The following CTNNA2 variants were observed in gnomAD, a reference collection of about 807,000 sequenced individuals.
The protein encoded by CTNNA2 is catenin alpha-2.
CTNNA2 carries 42 observed loss-of-function variants against 101.0 expected under a neutral mutation model. The ratio of observed to expected loss-of-function variants is 0.42; its 90% CI spans 0.32 to 0.54. The LOEUF (loss-of-function observed/expected upper bound fraction) is 0.54. Ranked by LOEUF, CTNNA2 falls within the 20% of genes least tolerant of loss-of-function variation. CTNNA2 has a pLI of 0.14. For missense variants in CTNNA2, 871 were observed against 1,223.1 expected, an observed-to-expected ratio of 0.71 and a Z score of 4.29; for synonymous variants, 450 against 456.4, an observed-to-expected ratio of 0.99 and a Z score of 0.18.
intron 7 of CTNNA2, among the ~76,000 whole-genome samples, chr2:80,155,684 A>G (rs17018719): frequency 0.017 from 2,627 of 152,206 alleles, 80 homozygotes; most frequent in African/African-American, 0.059. Flanking sequence ...CAACTGTGTG[A>G]CACCTTCCTC....
intron 7 of CTNNA2, among the ~76,000 whole-genome samples, chr2:80,341,382 T>G (rs1374159470): frequency 6.6e-6 from 1 of 152,174 alleles, no homozygotes; most frequent in East Asian, 1.9e-4. Context: ...CTCTAGAGCT[T>G]CCAAGCGTTT....
At chr2:79,806,274 A>G (rs1272452302) in intron 3 of CTNNA2, among the ~76,000 whole-genome samples, 2 of 152,142 alleles carry the variant, frequency 1.3e-5, no homozygotes, top group Non-Finnish European at 2.9e-5. Context: ...TTCTAAGAGT[A>G]CGTGAAGGGA....
chr2:80,492,436 T>C (rs1687138161), intron 9 of CTNNA2, among the ~76,000 whole-genome samples: 1 of 152,216 alleles, frequency 6.6e-6, no homozygotes, highest in Non-Finnish European at 1.5e-5. Context: ...GGACAGTCCA[T>C]AGTATTTTGA....
At position 79,723,753 on chromosome 2, in the gene CTNNA2, A is replaced by AC. The variant is rs146942556; in HGVS notation, c.103-20628dup. The stretch of plus-strand genomic sequence containing the variant: ...TATGTGAGTTCTAGCATTTCTCCCC[A>AC]CCCCCCGCTCTAATGGTTCGATTTT... On this transcript the variant is annotated intron_variant, in intron 2 of 18. Transcript: ENST00000402739. Among the ~76,000 whole-genome samples, 1,694 of 151,784 alleles carry AC rather than the reference A, an allele frequency of 0.011. 63 individuals carry two copies. The East Asian group carries it at 0.12, about 11-fold the overall frequency.
At chr2:80,156,202 G>T (rs1040260993) in intron 7 of CTNNA2, among the ~76,000 whole-genome samples, 2 of 152,092 alleles carry the variant, frequency 1.3e-5, no homozygotes, top group African/African-American at 2.4e-5. Flanking sequence ...AGAGACTTTG[G>T]CTAATCTTCC....
intron 7 of CTNNA2, among the ~76,000 whole-genome samples, chr2:80,141,068 C>T (rs1030166196): frequency 4.9e-4 from 74 of 152,144 alleles, no homozygotes; most frequent in African/African-American, 1.8e-3. Flanking sequence ...TTTTACTCAG[C>T]CCTCCCTTGT....
intron 2 of CTNNA2, among the ~76,000 whole-genome samples, chr2:79,258,203 A>C (rs535864740): frequency 6.6e-6 from 1 of 152,202 alleles, no homozygotes; most frequent in East Asian, 1.9e-4. Flanking sequence ...TTCAACCCAT[A>C]CAAATGCCAA....
intron 7 of CTNNA2, among the ~76,000 whole-genome samples, chr2:80,360,776 C>T (rs566026243): frequency 1.7e-4 from 26 of 152,014 alleles, no homozygotes; most frequent in Non-Finnish European, 3.4e-4. Flanking sequence ...ACAATGATAG[C>T]ATTTTGACTT....
intron 7 of CTNNA2, among the ~76,000 whole-genome samples, chr2:79,959,538 A>G (rs535983134): frequency 2.0e-5 from 3 of 151,986 alleles, no homozygotes; most frequent in Non-Finnish European, 4.4e-5. Flanking sequence ...CCTCTATGTG[A>G]AAATGCAGGA....
At chr2:79,624,215 T>A (rs6760669) in intron 1 of CTNNA2, among the ~76,000 whole-genome samples, 24,361 of 152,042 alleles carry the variant, frequency 0.16, 3,355 homozygotes, top group African/African-American at 0.38. Context: ...TTAAAGAGAA[T>A]CAAGAAAGAG....
rs188134493 is a variant in CTNNA2 at position 79,463,536 on chromosome 2, G to C, written c.-134-41518G>C. On this transcript the variant is annotated intron_variant, in intron 4 of 21. Coordinates refer to the CTNNA2 transcript ENST00000466387. Reference sequence around the variant, plus strand: ...ATATATGGTGTTTAACTTCTGCTGGGAGGGCAGCCACCTAGAACATTCTTT... The same window carrying C: ...ATATATGGTGTTTAACTTCTGCTGGCAGGGCAGCCACCTAGAACATTCTTT... Among the ~76,000 whole-genome samples, 104 of 152,254 alleles carry C rather than the reference G, an allele frequency of 6.8e-4. 1 individual carries two copies. In the East Asian group the frequency reaches 0.019, roughly 28 times the overall value.
chr2:79,509,665 A>G (rs999198084), upstream of CTNNA2, among the ~76,000 whole-genome samples: 1 of 152,212 alleles, frequency 6.6e-6, no homozygotes, highest in Non-Finnish European at 1.5e-5. Flanking sequence ...GTATGATACC[A>G]TAGTGGTGGA....
chr2:79,409,039 C>T (rs1678375900), intron 4 of CTNNA2, among the ~76,000 whole-genome samples: 1 of 152,112 alleles, frequency 6.6e-6, no homozygotes, highest in Non-Finnish European at 1.5e-5. Flanking sequence ...TTGCATTTCT[C>T]TGATGGTCAG....
At chr2:79,988,652 A>G (rs1691943070) in intron 7 of CTNNA2, among the ~76,000 whole-genome samples, 1 of 152,218 alleles carries the variant, frequency 6.6e-6, no homozygotes, top group Non-Finnish European at 1.5e-5. Flanking sequence ...GGCTCATTGA[A>G]GAAAGTAACT....
Position 79,441,095 on chromosome 2 carries a change from C to T in CTNNA2, c.-134-63959C>T, listed in dbSNP as rs207461941. The stretch of plus-strand genomic sequence containing the variant: ...GAACTGACTGTTACAAAGGTATTCA[C>T]ACCCCCAGAATGGAGCAGTTCACTT... On this transcript the variant is annotated intron_variant, in intron 4 of 21. Coordinates refer to the CTNNA2 transcript ENST00000466387. Among the ~76,000 whole-genome samples the T allele has an allele frequency of 6.6e-5, 10 of 152,292 alleles. No homozygotes were observed. The East Asian group carries it at 1.5e-3, about 24-fold the overall frequency.
chr2:79,208,566 G>T (rs1410107911), intron 2 of CTNNA2, among the ~76,000 whole-genome samples: 1 of 152,198 alleles, frequency 6.6e-6, no homozygotes, highest in Non-Finnish European at 1.5e-5. Context: ...GTGGCTAACT[G>T]GCTGTGTGAC....
At chr2:79,882,836 T>A (rs1051749253) in intron 6 of CTNNA2, among the ~76,000 whole-genome samples, 1 of 152,128 alleles carries the variant, frequency 6.6e-6, no homozygotes, top group Non-Finnish European at 1.5e-5. Context: ...GTAGCATGGG[T>A]TTGCAAGTGG....
intron 7 of CTNNA2, among the ~76,000 whole-genome samples, chr2:80,017,262 T>G (rs1423244747): frequency 6.6e-6 from 1 of 152,032 alleles, no homozygotes; most frequent in East Asian, 1.9e-4. Context: ...CCTGGCACTA[T>G]TAGGCACTAG....
intron 9 of CTNNA2, among the ~76,000 whole-genome samples, chr2:80,462,423 AT>A (rs1191777487): frequency 6.6e-6 from 1 of 152,098 alleles, no homozygotes; most frequent in Non-Finnish European, 1.5e-5. Context: ...TTGTATAGAT[AT>A]TGGTCATTTT....
Sources: gnomAD v4.1 joint callset for allele counts (sites outside exome capture counted in the v4.1 genomes callset) on GRCh38, gnomAD v4.1.1 for gene constraint, MANE v1.5 for transcripts, NCBI Gene and HGNC (gene_info 2026-07-23, HGNC 2026-07-21) for gene names.